Variants in INF2 observed in about 807,000 individuals in gnomAD.
INF2 encodes the protein inverted formin-2.
In INF2, 43 loss-of-function variants were observed where a neutral mutation model predicts 123.5. The ratio of observed to expected loss-of-function variants is 0.35; its 90% CI spans 0.27 to 0.45. INF2 has a LOEUF of 0.45. INF2 is among the 20% of genes least tolerant of loss of function. The probability of loss-of-function intolerance (pLI) is 1.00; values close to 1 mark genes in which losing one functional copy is unlikely to be tolerated. For missense variants in INF2, 1,453 were observed against 1,682.7 expected (o/e 0.86, Z 2.39); for synonymous variants, 851 against 745.0 (o/e 1.14, Z -2.32).
At chr14:104,701,130 C>A (rs1194056881) in intron 1 of INF2, among the ~76,000 whole-genome samples, 2 of 152,156 alleles carry the variant, frequency 1.3e-5, no homozygotes, top group African/African-American at 4.8e-5. Context: ...CGCAGTAGGG[C>A]CCTTCCTGCC....
intron 18 of INF2, 29 bp from the exon 19 acceptor site, chr14:104,713,178 G>A: frequency 1.3e-6 from 2 of 1,566,450 alleles, no homozygotes; most frequent in East Asian, 2.4e-5. Context: ...TGCCACGCTG[G>A]GGTGACGGGG....
rs535088322 is a variant in INF2 at position 104,683,961 on chromosome 14, C to A, written c.-104+2379C>A. On this transcript the variant is annotated intron_variant, in intron 1 of 2. Transcript: ENST00000674723. ...CGGGTGGGTCTCAGGCACTTCCCTG[C>A]TCTCAAAGGAGCACCTCCAGGGAGC... 1.1e-4 allele frequency: 49 copies of A among 443,294 alleles called. No individual in the cohort carries two copies. In the Middle Eastern group the frequency reaches 1.4e-3, roughly 12 times the overall value. 27.5% of individuals were successfully genotyped at this position (443,294 alleles called of 1,614,324 possible).
rs1888843335 is a variant in INF2 at position 104,689,713 on chromosome 14, A to G, written c.-36A>G. 2.0e-6 allele frequency: 2 copies of G among 984,538 alleles called. No homozygotes were observed. The highest frequency in any genetic ancestry group is 3.5e-5 in the African/African-American group (2 of 57,052). The allele number at this position is 984,538 out of a possible 1,614,324, so 61.0% of individuals were successfully genotyped here. A position where few individuals can be genotyped will look rare whatever the true frequency, so the allele number is the denominator to read the frequency against. ...CCCCGGACGGAGCGCCGGCCGCACC[A>G]CCGCCCTCTGGCCGTTGCCTCACCG... is the stretch of plus-strand genomic sequence containing the variant. On this transcript the variant is annotated 5_prime_UTR_variant, in exon 1 of 23. Coordinates refer to ENST00000392634, the MANE Select transcript of INF2 (RefSeq NM_022489.4).
chr14:104,704,028 C>A (rs1407760954), intron 5 of INF2, 79 bp downstream of exon 5: 1 of 1,597,440 alleles, frequency 6.3e-7, no homozygotes, highest in Non-Finnish European at 8.5e-7. Context: ...TGGCTCCCAG[C>A]CACCTCACCT....
In INF2 at chr14:104,701,641, C is replaced by T. The variant is rs201652529; in HGVS notation, c.276C>T (p.Ile92=). The T allele has an allele frequency of 9.4e-6, 15 of 1,598,204 alleles. No individual in the cohort carries two copies. Among genetic ancestry groups the T allele is most frequent in the South Asian group, 5.5e-5 (5 of 90,124 alleles). Residue 92 remains isoleucine, a synonymous_variant, in exon 2 of 23, where the codon ATC becomes ATT. Coordinates refer to ENST00000392634, the MANE Select transcript of INF2 (RefSeq NM_022489.4). ...ARLSGRGVAR[I]SDALLQLTCV... is the part of the protein sequence containing the mutation. Reference sequence around the variant, plus strand: ...TGTCGGGCCGCGGCGTTGCACGTATCTCCGACGCCCTGCTGCAGCTCACCT... The same window carrying T: ...TGTCGGGCCGCGGCGTTGCACGTATTTCCGACGCCCTGCTGCAGCTCACCT...
At position 104,707,198 on chromosome 14, in the gene INF2, C is replaced by G; in HGVS notation, c.986-55C>G. On this transcript the variant is annotated intron_variant, in intron 7 of 22. Coordinates refer to ENST00000392634, the MANE Select transcript of INF2 (RefSeq NM_022489.4). ...TTTTCCTGCCTCTTCCTCAAGCCCCCATCCCTCCCTCTCCGGCTCCCTTCT... is the reference window on the plus strand; with the variant it reads ...TTTTCCTGCCTCTTCCTCAAGCCCCGATCCCTCCCTCTCCGGCTCCCTTCT... 7 of 1,553,208 alleles carry G rather than the reference C, an allele frequency of 4.5e-6. No individual in the cohort carries two copies. The South Asian group carries it at 8.3e-5, about 19-fold the overall frequency.
rs1890545768 is a variant in INF2, at chr14:104,721,209, T to A, written c.*2416T>A. On this transcript the variant is annotated 3_prime_UTR_variant, in exon 23 of 23. Coordinates refer to ENST00000392634, the MANE Select transcript of INF2 (RefSeq NM_022489.4). The stretch of plus-strand genomic sequence containing the variant: ...GGACGTCTGCGTAGTCTCGTGTGGA[T>A]GCTGCTGTGGACGTCTGCGTCGTCC... The A allele has an allele frequency of 7.4e-6, 1 of 135,566 alleles. No homozygotes were observed. Among genetic ancestry groups the A allele is most frequent in the African/African-American group, 2.9e-5 (1 of 34,984 alleles). 8.4% of individuals were successfully genotyped at this position (135,566 alleles called of 1,614,324 possible).
intron 1 of INF2, chr14:104,690,813 G>A (rs903803203): frequency 1.3e-5 from 2 of 152,284 alleles, no homozygotes; most frequent in Non-Finnish European, 2.9e-5. Context: ...GGGTCCCAGA[G>A]CAGTGCCTCA....
chr14:104,691,175 C>T (rs980956215), intron 1 of INF2: 6 of 152,224 alleles, frequency 3.9e-5, no homozygotes, highest in Admixed American at 1.3e-4. Flanking sequence ...GGCTGTCAAG[C>T]GAATGACACA....
chr14:104,707,747 C>A lies in INF2; in HGVS notation c.1480C>A (p.Leu494Ile). 1 of 1,365,248 alleles carries A rather than the reference C, an allele frequency of 7.3e-7. No individual in the cohort carries two copies. The highest frequency in any genetic ancestry group is 1.0e-6 in the Non-Finnish European group (1 of 993,938). The allele number at this position is 1,365,248 out of a possible 1,614,324, so 84.6% of individuals were successfully genotyped here. Residue 494 changes from leucine (L) to isoleucine (I), a missense_variant, in exon 8 of 23, where the codon CTC (leucine) becomes ATC (isoleucine). This residue lies in a region of INF2 where 374 missense variants were observed against 303.7 expected (regional missense o/e 1.23). Transcript: ENST00000392634. The part of the protein sequence containing the change: ...CEFLPPPPPP[L>I]PGLGCPPPPP... ...GTTCCTGCCCCCACCACCTCCACCA[C>A]TCCCGGGCTTGGGATGCCCGCCCCC...
At chr14:104,717,350 G>A (rs1300382518) in intron 22 of INF2, among the ~76,000 whole-genome samples, 1 of 147,926 alleles carries the variant, frequency 6.8e-6, no homozygotes, top group Non-Finnish European at 1.5e-5. Context: ...CCCGGGCAGG[G>A]TGCGCTGCCG....
At position 104,707,664 on chromosome 14, in the gene INF2, TG is replaced by T; in HGVS notation, c.1402del (p.Ala468ProfsTer90). On this transcript the variant is annotated frameshift_variant, in exon 8 of 23. Coordinates refer to ENST00000392634, the MANE Select transcript of INF2 (RefSeq NM_022489.4). LOFTEE classifies it high-confidence loss of function. ...TAPPPPPLPG[L>X]GAMAPPAPPL... ...CCCCCGCCCCCACCCCTGCCAGGCC[TG>T]GGGGCCATGGCCCCCCCAGCACCTC... 3.8e-6 allele frequency: 2 copies of T among 531,238 alleles called. No homozygotes were observed. The highest frequency in any genetic ancestry group is 6.0e-6 in the Non-Finnish European group (2 of 331,092). 32.9% of individuals were successfully genotyped at this position (531,238 alleles called of 1,614,324 possible). A position where few individuals can be genotyped will look rare whatever the true frequency, so the allele number is the denominator to read the frequency against.
chr14:104,701,860 G>A (rs1889524135), intron 2 of INF2, 104 bp downstream of exon 2: 2 of 1,283,854 alleles, frequency 1.6e-6, no homozygotes, highest in Non-Finnish European at 1.0e-6. Flanking sequence ...CCAGGAGGAA[G>A]CGCAGCCAGG....
chr14:104,706,653 C>T (rs573755374), intron 6 of INF2, among the ~76,000 whole-genome samples: 196 of 152,284 alleles, frequency 1.3e-3, no homozygotes, highest in African/African-American at 4.0e-3. Flanking sequence ...CATCTGAAGA[C>T]ATTTTTGGCT....
chr14:104,717,262 C>G, intron 22 of INF2, among the ~76,000 whole-genome samples: 2 of 145,450 alleles, frequency 1.4e-5, no homozygotes, highest in African/African-American at 5.4e-5. Flanking sequence ...CCAGTCCGCC[C>G]CCACCGGGCA....
upstream of INF2, among the ~76,000 whole-genome samples, chr14:104,686,230 AGTGGATAGGTGG>A (rs1452575779): frequency 8.7e-6 from 1 of 115,252 alleles, no homozygotes; most frequent in Non-Finnish European, 1.8e-5. Context: ...TGGATGTGTG[AGTGGATAGGTGG>A]GTGGGTGGAT....
intron 1 of INF2, among the ~76,000 whole-genome samples, chr14:104,681,927 G>A (rs900619350): frequency 2.0e-5 from 3 of 152,322 alleles, no homozygotes; most frequent in Non-Finnish European, 4.4e-5. Context: ...AGGCTGAGGC[G>A]CTGTGGGAAG....
intron 6 of INF2, 145 bp downstream of exon 6, chr14:104,706,321 T>A: frequency 1.1e-6 from 1 of 890,990 alleles, no homozygotes; most frequent in East Asian, 2.7e-5. Flanking sequence ...GGGGTGAGAC[T>A]CCAGGGAGCA....
At chr14:104,716,018 G>A (rs931328496) in intron 22 of INF2, 2 of 451,908 alleles carry the variant, frequency 4.4e-6, no homozygotes, top group Non-Finnish European at 8.9e-6. Flanking sequence ...AATCAGCCAG[G>A]TCCGTCCACA....
Sources: gnomAD v4.1 joint callset for allele counts (sites outside exome capture counted in the v4.1 genomes callset) on GRCh38, gnomAD v4.1.1 for gene constraint, gnomAD v4.1.1 regional missense constraint, MANE v1.5 for transcripts, NCBI Gene and HGNC (gene_info 2026-07-23, HGNC 2026-07-21) for gene names.